The following MGAT4C variants were observed in gnomAD, a reference collection of about 807,000 sequenced individuals.
MGAT4C encodes the protein MGAT4 family member C.
A neutral mutation model predicts 40.1 loss-of-function variants in MGAT4C; 19 were observed. That is an observed-to-expected ratio of 0.47 (90% CI 0.33 to 0.70). The LOEUF is 0.70. MGAT4C is among the 30% of genes least tolerant of loss of function. MGAT4C has a pLI of 0.02. For missense variants in MGAT4C, 491 were observed against 563.2 expected (o/e 0.87, Z 1.30); for synonymous variants, 181 against 187.1 (o/e 0.97, Z 0.27).
chr12:86,104,086 A>G (rs1162443911), intron 1 of MGAT4C, among the ~76,000 whole-genome samples: 1 of 151,952 alleles, frequency 6.6e-6, no homozygotes. Flanking sequence ...TATCAGCTTT[A>G]TTGGACAAAA....
intron 2 of MGAT4C, among the ~76,000 whole-genome samples, chr12:86,020,473 C>T (rs1195355748): frequency 3.3e-5 from 5 of 152,090 alleles, no homozygotes; most frequent in African/African-American, 1.2e-4. Context: ...CTGACAAAAA[C>T]AAGAGATGGG....
At chr12:86,577,990 G>C (rs762844524) in intron 2 of MGAT4C, among the ~76,000 whole-genome samples, 3 of 151,656 alleles carry the variant, frequency 2.0e-5, no homozygotes, top group Non-Finnish European at 4.4e-5. Flanking sequence ...TCCGTGTTTG[G>C]CATATTGAGT....
chr12:86,621,335 G>T (rs1377376382), intron 2 of MGAT4C, among the ~76,000 whole-genome samples: 1 of 152,098 alleles, frequency 6.6e-6, no homozygotes. Flanking sequence ...TTTGCATATT[G>T]AAACAAAAGG....
At chr12:86,797,401 G>T (rs1449971092) in intron 1 of MGAT4C, among the ~76,000 whole-genome samples, 1 of 150,364 alleles carries the variant, frequency 6.7e-6, no homozygotes, top group East Asian at 1.9e-4. Context: ...CAACTGAACT[G>T]TCATTTCAAT....
chr12:86,480,861 T>G (rs1592899062), intron 2 of MGAT4C, among the ~76,000 whole-genome samples: 1 of 152,004 alleles, frequency 6.6e-6, no homozygotes, highest in East Asian at 1.9e-4. Context: ...TTTGTTTCTT[T>G]TTTTTTCTTC....
intron 2 of MGAT4C, among the ~76,000 whole-genome samples, chr12:86,612,843 C>CATAAATT (rs1431451051): frequency 3.3e-5 from 5 of 151,316 alleles, no homozygotes; most frequent in Admixed American, 1.3e-4. Flanking sequence ...ATTATTCCTA[C>CATAAATT]ATAAATTATG....
intron 4 of MGAT4C, among the ~76,000 whole-genome samples, chr12:86,269,013 C>CATATAAATAT (rs1272561067): frequency 2.7e-5 from 2 of 74,688 alleles, no homozygotes; most frequent in African/African-American, 1.1e-4. Context: ...TTCATACTTA[C>CATATAAATAT]ATATATATAT....
intron 2 of MGAT4C, among the ~76,000 whole-genome samples, chr12:86,497,383 C>T (rs1304983322): frequency 2.6e-5 from 4 of 151,804 alleles, no homozygotes; most frequent in South Asian, 4.2e-4. Flanking sequence ...TTGCCTTTAT[C>T]AATATTTTAC....
chr12:86,612,090 G>T (rs1375787022), intron 2 of MGAT4C, among the ~76,000 whole-genome samples: 1 of 152,070 alleles, frequency 6.6e-6, no homozygotes, highest in Non-Finnish European at 1.5e-5. Flanking sequence ...TTCATCCTGG[G>T]ACCTCTACCT....
intron 2 of MGAT4C, among the ~76,000 whole-genome samples, chr12:86,474,056 C>G (rs935994422): frequency 2.0e-5 from 3 of 151,904 alleles, no homozygotes; most frequent in Non-Finnish European, 4.4e-5. Flanking sequence ...ACTATACTAA[C>G]GAGATCCTTT....
chr12:86,743,512 C>G (rs1951106041), intron 1 of MGAT4C, among the ~76,000 whole-genome samples: 1 of 151,466 alleles, frequency 6.6e-6, no homozygotes, highest in African/African-American at 2.4e-5. Context: ...TTACAGCTTT[C>G]ACATAAGTTT....
At chr12:86,664,587 A>AT (rs1318936927) in intron 2 of MGAT4C, among the ~76,000 whole-genome samples, 1 of 151,886 alleles carries the variant, frequency 6.6e-6, no homozygotes, top group African/African-American at 2.4e-5. Context: ...TGCTATATTG[A>AT]TTTTTTTTCC....
chr12:86,481,002 A>G (rs1957928506), intron 2 of MGAT4C, among the ~76,000 whole-genome samples: 1 of 151,976 alleles, frequency 6.6e-6, no homozygotes, highest in Non-Finnish European at 1.5e-5. Flanking sequence ...TGTGAGAAAT[A>G]CAATCTTTCA....
At chr12:86,120,672 G>A (rs1200083229) in intron 1 of MGAT4C, among the ~76,000 whole-genome samples, 2 of 152,184 alleles carry the variant, frequency 1.3e-5, no homozygotes, top group Non-Finnish European at 2.9e-5. Flanking sequence ...ACTTGCAGCT[G>A]AGGATCCTGA....
intron 3 of MGAT4C, among the ~76,000 whole-genome samples, chr12:86,377,286 C>T (rs947281088): frequency 1.1e-4 from 17 of 152,124 alleles, no homozygotes; most frequent in Admixed American, 3.3e-4. Flanking sequence ...CTCCAACTCC[C>T]GACCTCAGGT....
intron 1 of MGAT4C, among the ~76,000 whole-genome samples, chr12:86,814,564 T>A (rs1566009703): frequency 6.6e-6 from 1 of 151,890 alleles, no homozygotes; most frequent in African/African-American, 2.4e-5. Context: ...AATTCTCTTA[T>A]AATTATATTA....
rs59869666 is a variant in MGAT4C at position 86,739,133 on chromosome 12, C to CAAAAAAAAAA, written c.-261-11902_-261-11893dup. Among the ~76,000 whole-genome samples the CAAAAAAAAAA allele has an allele frequency of 4.8e-3, 190 of 39,794 alleles. 15 individuals carry two copies. The highest frequency in any genetic ancestry group is 6.0e-3 in the Non-Finnish European group (144 of 23,930). 26.1% of individuals were successfully genotyped at this position (39,794 alleles called of 152,430 possible). On this transcript the variant is annotated intron_variant, in intron 1 of 7. Coordinates refer to the MGAT4C transcript ENST00000548651. ...TTTAATTCAGCTATGTTTCCCTGTG[C>CAAAAAAAAAA]AAAAAAAAAAAAAAAAAAAAAAAAA... is the stretch of plus-strand genomic sequence containing the variant.
At chr12:86,395,189 C>T (rs928198069) in intron 3 of MGAT4C, among the ~76,000 whole-genome samples, 3 of 152,016 alleles carry the variant, frequency 2.0e-5, no homozygotes, top group Non-Finnish European at 4.4e-5. Context: ...ATTCAGGTAA[C>T]AAAAATTTGA....
chr12:86,585,387 T>G (rs1960973690), intron 2 of MGAT4C, among the ~76,000 whole-genome samples: 1 of 151,494 alleles, frequency 6.6e-6, no homozygotes, highest in African/African-American at 2.4e-5. Flanking sequence ...ATTCTTTTTG[T>G]CTATGACTCC....
Sources: gnomAD v4.1 joint callset for allele counts (sites outside exome capture counted in the v4.1 genomes callset) on GRCh38, gnomAD v4.1.1 for gene constraint, MANE v1.5 for transcripts, NCBI Gene and HGNC (gene_info 2026-07-23, HGNC 2026-07-21) for gene names.